CDC27: variants seen among roughly 807,000 people sequenced by gnomAD.
CDC27 encodes cell division cycle 27, also known as cell division cycle protein 27 homolog.
Under a neutral mutation model 109.7 loss-of-function variants are expected in CDC27, and 27 were observed. The ratio of observed to expected loss-of-function variants is 0.25; its 90% CI spans 0.18 to 0.34. The LOEUF (loss-of-function observed/expected upper bound fraction) is 0.34, where lower values mean the gene tolerates loss of function less well. Among genes scored for constraint, CDC27 ranks in the 10% least tolerant of loss-of-function variants. The pLI is 1.00. For missense variants in CDC27, 579 were observed against 960.2 expected (o/e 0.60, Z 5.25); for synonymous variants, 266 against 333.9 (o/e 0.80, Z 2.22).
intron 2 of CDC27, among the ~76,000 whole-genome samples, chr17:47,176,784 A>G (rs1292416640): frequency 1.3e-5 from 2 of 152,224 alleles, no homozygotes; most frequent in Admixed American, 6.5e-5. Context: ...TGTCTGTGAA[A>G]CATCCAAGTT....
chr17:47,136,114 C>G (rs1158199551), intron 14 of CDC27, among the ~76,000 whole-genome samples: 1 of 152,106 alleles, frequency 6.6e-6, no homozygotes, highest in Non-Finnish European at 1.5e-5. Flanking sequence ...TGCACTCCAA[C>G]CTGGGTGACA....
At chr17:47,183,288 A>G (rs2064311430) in intron 1 of CDC27, among the ~76,000 whole-genome samples, 1 of 152,220 alleles carries the variant, frequency 6.6e-6, no homozygotes, top group Non-Finnish European at 1.5e-5. Flanking sequence ...CTAACATTGT[A>G]CCAGTACATC....
chr17:47,133,611 G>T (rs2062466957), intron 14 of CDC27, among the ~76,000 whole-genome samples: 1 of 148,214 alleles, frequency 6.7e-6, no homozygotes, highest in Non-Finnish European at 1.5e-5. Context: ...AGCTAATTTT[G>T]TATTTTTAGT....
intron 12 of CDC27, 48 bp from the exon 13 acceptor site, chr17:47,138,939 A>G (rs966712913): frequency 8.0e-6 from 10 of 1,257,862 alleles, no homozygotes; most frequent in Non-Finnish European, 1.1e-5. Context: ...TACAATTTAT[A>G]TATATACACA....
At chr17:47,133,127 AT>A (rs1205419899) in intron 14 of CDC27, among the ~76,000 whole-genome samples, 5 of 131,458 alleles carry the variant, frequency 3.8e-5, no homozygotes, top group African/African-American at 5.8e-5. Flanking sequence ...ATATATATAT[AT>A]ATATATATAA....
chr17:47,142,041 A>C lies in CDC27; in HGVS notation c.1379-16T>G, dbSNP rs1345131695. 1 of 1,551,804 alleles carries C rather than the reference A, an allele frequency of 6.4e-7. No individual in the cohort carries two copies. The highest frequency in any genetic ancestry group is 8.7e-7 in the Non-Finnish European group (1 of 1,151,984). On this transcript the variant is annotated splice_polypyrimidine_tract_variant and intron_variant, in intron 11 of 18. Transcript: ENST00000066544. The stretch of plus-strand genomic sequence containing the variant: ...ATCAAACCTTCTAGGAGAAAACAAC[A>C]TAGTAAACAAAGGAAAAAACGCAAT...
At chr17:47,128,911 A>G (rs1234247752) in intron 16 of CDC27, among the ~76,000 whole-genome samples, 1 of 151,858 alleles carries the variant, frequency 6.6e-6, no homozygotes, top group Admixed American at 6.6e-5. Flanking sequence ...GCTGAGACTT[A>G]CAGGCACCTG....
intron 16 of CDC27, among the ~76,000 whole-genome samples, chr17:47,126,804 T>G (rs985545976): frequency 1.3e-5 from 2 of 152,030 alleles, no homozygotes; most frequent in African/African-American, 4.8e-5. Context: ...TGAAAAAAAT[T>G]TTTTTTTGAG....
intron 2 of CDC27, among the ~76,000 whole-genome samples, chr17:47,173,221 T>A (rs11570466): frequency 6.6e-6 from 1 of 152,332 alleles, no homozygotes; most frequent in Non-Finnish European, 1.5e-5. Context: ...GTCACAGATA[T>A]GTGCAAGCAA....
At chr17:47,142,467 A>G in intron 10 of CDC27, 31 bp from the exon 11 acceptor site, 3 of 864,272 alleles carry the variant, frequency 3.5e-6, no homozygotes, top group Non-Finnish European at 3.6e-6. Context: ...CACACCTGTT[A>G]TACTCATGTA....
chr17:47,174,932 G>A (rs2063936768), intron 2 of CDC27, among the ~76,000 whole-genome samples: 1 of 151,872 alleles, frequency 6.6e-6, no homozygotes, highest in Non-Finnish European at 1.5e-5. Flanking sequence ...CTCCAGCCTG[G>A]GCAACAGCGA....
chr17:47,158,492 A>G (rs1384085902), intron 4 of CDC27, among the ~76,000 whole-genome samples, 189 bp from the exon 5 acceptor site: 2 of 152,230 alleles, frequency 1.3e-5, no homozygotes, highest in Non-Finnish European at 2.9e-5. Flanking sequence ...ACATGAATCA[A>G]AAGAAATGCT....
intron 2 of CDC27, among the ~76,000 whole-genome samples, chr17:47,178,565 A>C (rs1267001001): frequency 1.3e-5 from 2 of 151,648 alleles, no homozygotes; most frequent in Admixed American, 6.6e-5. Flanking sequence ...AAAAAAAAAA[A>C]AAACCCTGAA....
chr17:47,175,173 T>A (rs1465866137), intron 2 of CDC27, among the ~76,000 whole-genome samples: 1 of 148,504 alleles, frequency 6.7e-6, no homozygotes, highest in Non-Finnish European at 1.5e-5. Flanking sequence ...GTCTTTTGAG[T>A]GTAAGTCCAA....
intron 14 of CDC27, 131 bp downstream of exon 14, chr17:47,137,021 A>T (rs1406898286): frequency 9.2e-6 from 4 of 434,766 alleles, no homozygotes; most frequent in African/African-American, 8.1e-5. Context: ...GTTAGAAGTT[A>T]TTGACCAGTA....
intron 9 of CDC27, 92 bp from the exon 10 acceptor site, chr17:47,144,074 C>A: frequency 2.6e-6 from 1 of 390,218 alleles, no homozygotes; most frequent in Non-Finnish European, 4.3e-6. Context: ...TAAAAATATA[C>A]ATTAATTATA....
At chr17:47,152,018 A>T in intron 8 of CDC27, 100 bp from the exon 9 acceptor site, 1 of 1,056,210 alleles carries the variant, frequency 9.5e-7, no homozygotes, top group South Asian at 2.2e-5. Context: ...CAATACAAGC[A>T]GCCATAATAT....
At chr17:47,174,234 T>A (rs749737807) in intron 2 of CDC27, among the ~76,000 whole-genome samples, 1 of 152,202 alleles carries the variant, frequency 6.6e-6, no homozygotes, top group African/African-American at 2.4e-5. Flanking sequence ...CAAACACAAC[T>A]AAAGAAGCAG....
At chr17:47,150,579 C>G (rs1311268944) in intron 9 of CDC27, among the ~76,000 whole-genome samples, 3 of 152,124 alleles carry the variant, frequency 2.0e-5, no homozygotes, top group Admixed American at 1.3e-4. Context: ...CCTGCCAACA[C>G]CTTGATTTTG....
Sources: allele counts gnomAD v4.1 joint callset (sites outside exome capture counted in the v4.1 genomes callset), GRCh38; gene constraint gnomAD v4.1.1; transcripts MANE v1.5; gene names NCBI Gene and HGNC (gene_info 2026-07-23, HGNC 2026-07-21).